The following TGFBR3 variants were observed in gnomAD, a reference collection of about 807,000 sequenced individuals.
TGFBR3 encodes transforming growth factor beta receptor type 3.
Under a neutral mutation model 87.9 loss-of-function variants are expected in TGFBR3, and 46 were observed. That is an observed-to-expected ratio of 0.52 (90% CI 0.41 to 0.67). The LOEUF (loss-of-function observed/expected upper bound fraction) is 0.67, where lower values mean the gene tolerates loss of function less well. Ranked by LOEUF, TGFBR3 falls within the 30% of genes least tolerant of loss-of-function variation. TGFBR3 has a pLI of 0.00. For missense variants in TGFBR3, 866 were observed against 1,041.9 expected (o/e 0.83, Z 2.32); for synonymous variants, 381 against 391.6 (o/e 0.97, Z 0.32).
chr1:91,857,313 T>C (rs1433964237), intron 2 of TGFBR3, among the ~76,000 whole-genome samples: 3 of 151,776 alleles, frequency 2.0e-5, no homozygotes, highest in Non-Finnish European at 2.9e-5. Flanking sequence ...CAAATAGACC[T>C]CCTGCTACAT....
chr1:91,771,705 C>CAAA (rs758894556), intron 3 of TGFBR3, among the ~76,000 whole-genome samples: 15,361 of 82,594 alleles, frequency 0.19, 1,579 homozygotes, highest in South Asian at 0.34. Context: ...GACTCTGTCT[C>CAAA]AAAAAAAAAA....
At chr1:91,828,470 G>C (rs928674337) in intron 2 of TGFBR3, among the ~76,000 whole-genome samples, 2 of 152,214 alleles carry the variant, frequency 1.3e-5, no homozygotes, top group African/African-American at 4.8e-5. Context: ...GACACTTGTG[G>C]TTACGCTTTG....
intron 1 of TGFBR3, among the ~76,000 whole-genome samples, chr1:91,863,073 G>A (rs1678262509): frequency 6.6e-6 from 1 of 152,180 alleles, no homozygotes; most frequent in Non-Finnish European, 1.5e-5. Flanking sequence ...ATGAGAACGG[G>A]GGAAATAGGG....
rs140145029 is a variant in TGFBR3 at position 91,869,654 on chromosome 1, A to G, written c.-113-8010T>C. On this transcript the variant is annotated intron_variant, in intron 1 of 16. Coordinates refer to ENST00000212355, the MANE Select transcript of TGFBR3 (RefSeq NM_003243.5). The stretch of plus-strand genomic sequence containing the variant: ...ATTCCAGCCTAGGCAACAGAGCGAG[A>G]CTCCGTCTCAAACAAAAGAAAAAAG... Among the ~76,000 whole-genome samples the G allele has an allele frequency of 2.9e-3, 445 of 152,320 alleles. 3 individuals carry two copies. Among genetic ancestry groups the G allele is most frequent in the African/African-American group, 0.01 (432 of 41,560 alleles).
rs565774189 is a variant in TGFBR3, at chr1:91,706,711, C to T, written c.2287+1952G>A. 1.9e-3 allele frequency among the ~76,000 whole-genome samples: 283 copies of T among 152,340 alleles called. 2 individuals are homozygous for T. Among genetic ancestry groups the T allele is most frequent in the African/African-American group, 6.6e-3 (275 of 41,586 alleles). ...CTCTAATAAACTTGCTTTCACTTTA[C>T]TCTGTGGACTCATCCCCAAATTCTT... On this transcript the variant is annotated intron_variant, in intron 14 of 16. Transcript: ENST00000212355.
chr1:91,698,857 T>C (rs1458633485), intron 14 of TGFBR3, among the ~76,000 whole-genome samples: 2 of 152,182 alleles, frequency 1.3e-5, no homozygotes. Flanking sequence ...AGTATCTTTG[T>C]TCTCCTAGCC....
intron 5 of TGFBR3, among the ~76,000 whole-genome samples, chr1:91,734,053 A>AGAGGGAGAGAGGGGGG (rs143012128): frequency 2.1e-5 from 1 of 48,596 alleles, no homozygotes. Context: ...AGGGAGGGAG[A>AGAGGGAGAGAGGGGGG]GAGGGAGGGA....
chr1:91,750,314 C>T (rs1004723211), intron 4 of TGFBR3, among the ~76,000 whole-genome samples: 1 of 152,170 alleles, frequency 6.6e-6, no homozygotes, highest in Non-Finnish European at 1.5e-5. Flanking sequence ...TTTCAAAAAC[C>T]CCTTCTGGAC....
At position 91,682,352 on chromosome 1, in the gene TGFBR3, A is replaced by C. The variant is rs530180883; in HGVS notation, c.*1387T>G. On this transcript the variant is annotated 3_prime_UTR_variant, in exon 17 of 17. Transcript: ENST00000212355. ...TCTGGAAAAAGAATAATTTGCAATG[A>C]AGCTATCTTCAGCAGTAAAATAATT... 24 of 453,236 alleles carry C rather than the reference A, an allele frequency of 5.3e-5. No homozygotes were observed. Among genetic ancestry groups the C allele is most frequent in the Admixed American group, 2.6e-4 (11 of 42,504 alleles). 28.1% of individuals were successfully genotyped at this position (453,236 alleles called of 1,614,324 possible).
intron 16 of TGFBR3, among the ~76,000 whole-genome samples, chr1:91,688,661 A>G (rs1319886994): frequency 6.6e-6 from 1 of 152,208 alleles, no homozygotes. Context: ...TGAAGTTTTG[A>G]ATTAGGTGTG....
Position 91,720,035 on chromosome 1 carries a change from G to A in TGFBR3, c.1271C>T (p.Pro424Leu), listed in dbSNP as rs1261927924. 6.2e-7 allele frequency: 1 copy of A among 1,614,050 alleles called. No individual in the cohort carries two copies. The highest frequency in any genetic ancestry group is 8.5e-7 in the Non-Finnish European group (1 of 1,180,038). The change falls in exon 9 of 17, where the codon CCA becomes CTA. Residue 424 changes from proline to leucine, a missense_variant. Physicochemically the swap from Pro to Leu is moderately conservative, Grantham distance 98 (BLOSUM62 -3). Coordinates refer to ENST00000212355, the MANE Select transcript of TGFBR3 (RefSeq NM_003243.5). ...NEEGEDGLPR[P>L]KDPVIPSIQL... ...TATGCTGGGAATGACAGGGTCCTTT[G>A]GCCGAGGGAGCCCATCTTCTCCCTC... is the stretch of plus-strand genomic sequence containing the variant.
chr1:91,891,098 A>G (rs1679436451), upstream of TGFBR3, among the ~76,000 whole-genome samples: 1 of 151,278 alleles, frequency 6.6e-6, no homozygotes, highest in African/African-American at 2.4e-5. Context: ...GGGTTTCACC[A>G]TGTTGGCCAG....
At chr1:91,898,379 G>A (rs929010351) in intron 2 of TGFBR3, among the ~76,000 whole-genome samples, 2 of 151,958 alleles carry the variant, frequency 1.3e-5, no homozygotes. Flanking sequence ...AAATAAAAAC[G>A]TTACATAAGC....
chr1:91,876,344 C>T (rs532397659), intron 1 of TGFBR3, among the ~76,000 whole-genome samples: 1 of 152,292 alleles, frequency 6.6e-6, no homozygotes, highest in South Asian at 2.1e-4. Context: ...TCTTAGTTAA[C>T]ACCTAGGTCT....
chr1:91,693,757 T>C (rs1269187360), intron 16 of TGFBR3, among the ~76,000 whole-genome samples: 2 of 152,080 alleles, frequency 1.3e-5, no homozygotes, highest in Non-Finnish European at 2.9e-5. Context: ...TCAAACTCAC[T>C]CCCAACAGCC....
At chr1:91,695,386 T>C (rs1671400184) in intron 16 of TGFBR3, 2 of 406,118 alleles carry the variant, frequency 4.9e-6, no homozygotes, top group South Asian at 4.3e-5. Flanking sequence ...TTTCTGTACG[T>C]TGTCTGCATT....
chr1:91,803,753 C>A (rs1303677557), intron 2 of TGFBR3, among the ~76,000 whole-genome samples: 1 of 151,924 alleles, frequency 6.6e-6, no homozygotes, highest in African/African-American at 2.4e-5. Flanking sequence ...TTCCTTCCCA[C>A]CACCATGGCC....
At chr1:91,804,499 T>C (rs536502073) in intron 2 of TGFBR3, among the ~76,000 whole-genome samples, 75 of 152,238 alleles carry the variant, frequency 4.9e-4, no homozygotes, top group African/African-American at 1.5e-3. Context: ...CTTGGCCTCA[T>C]AGTGGTTCCT....
intron 4 of TGFBR3, among the ~76,000 whole-genome samples, chr1:91,755,874 C>T (rs1352474067): frequency 6.6e-6 from 1 of 152,106 alleles, no homozygotes; most frequent in Non-Finnish European, 1.5e-5. Context: ...GATCTGGGGC[C>T]AGCCAAACTA....
Sources: allele counts gnomAD v4.1 joint callset (sites outside exome capture counted in the v4.1 genomes callset), GRCh38; gene constraint gnomAD v4.1.1; transcripts MANE v1.5; gene names NCBI Gene and HGNC (gene_info 2026-07-23, HGNC 2026-07-21).